ZNF407: variants seen among roughly 807,000 people sequenced by gnomAD.
The protein encoded by ZNF407 is zinc finger protein 407.
Under a neutral mutation model 131.2 loss-of-function variants are expected in ZNF407, and 17 were observed. The ratio of observed to expected loss-of-function variants is 0.13; its 90% CI spans 0.09 to 0.19. ZNF407 has a LOEUF of 0.19. ZNF407 is among the 10% of genes least tolerant of loss of function. ZNF407 has a pLI of 1.00. For synonymous variants in ZNF407, 1,156 were observed against 1,062.0 expected, an observed-to-expected ratio of 1.09 and a Z score of -1.72; for missense variants, 2,681 against 2,830.6, an observed-to-expected ratio of 0.95 and a Z score of 1.20.
chr18:74,792,238 C>G (rs1969839746), intron 4 of ZNF407, among the ~76,000 whole-genome samples: 1 of 151,746 alleles, frequency 6.6e-6, no homozygotes, highest in South Asian at 2.1e-4. Flanking sequence ...TCTAAATAAT[C>G]TTTGCTTCGT....
At chr18:74,680,956 T>C (rs1966969325) in intron 3 of ZNF407, among the ~76,000 whole-genome samples, 1 of 152,208 alleles carries the variant, frequency 6.6e-6, no homozygotes, top group Admixed American at 6.5e-5. Flanking sequence ...TTAAATTCAG[T>C]ACATATTGAC....
At chr18:74,732,502 C>T (rs1372591075) in intron 3 of ZNF407, among the ~76,000 whole-genome samples, 1 of 152,100 alleles carries the variant, frequency 6.6e-6, no homozygotes, top group Non-Finnish European at 1.5e-5. Context: ...AGAGTTCTTC[C>T]TGTCTCACCA....
intron 4 of ZNF407, among the ~76,000 whole-genome samples, chr18:74,802,112 C>T (rs570157050): frequency 1.3e-5 from 2 of 152,220 alleles, no homozygotes; most frequent in South Asian, 2.1e-4. Context: ...TGTAATGTCC[C>T]TCAATGAACA....
intron 8 of ZNF407, among the ~76,000 whole-genome samples, chr18:75,033,874 T>C (rs1973274068): frequency 6.6e-6 from 1 of 152,210 alleles, no homozygotes; most frequent in South Asian, 2.1e-4. Context: ...CCTCTTCCCT[T>C]CTCCTTTCCC....
chr18:74,886,493 C>T (rs576608471), intron 6 of ZNF407, among the ~76,000 whole-genome samples: 1 of 152,242 alleles, frequency 6.6e-6, no homozygotes, highest in African/African-American at 2.4e-5. Flanking sequence ...ATGGAAACAA[C>T]TCAAATGTCC....
intron 3 of ZNF407, among the ~76,000 whole-genome samples, chr18:74,662,412 T>A (rs1252487677): frequency 6.6e-6 from 1 of 152,186 alleles, no homozygotes; most frequent in African/African-American, 2.4e-5. Flanking sequence ...ATAAAATGGA[T>A]GTTGGAGTGC....
chr18:75,022,082 A>G (rs1301909838), intron 8 of ZNF407, among the ~76,000 whole-genome samples: 2 of 152,160 alleles, frequency 1.3e-5, no homozygotes, highest in Non-Finnish European at 2.9e-5. Flanking sequence ...AAATGTCTGG[A>G]AAGGTATTTA....
intron 4 of ZNF407, among the ~76,000 whole-genome samples, chr18:74,850,939 A>T (rs935056362): frequency 4.6e-5 from 7 of 152,200 alleles, no homozygotes; most frequent in African/African-American, 1.7e-4. Flanking sequence ...AAGATTTCTT[A>T]AATGAATGAG....
Position 74,635,563 on chromosome 18 carries a change from A to T in ZNF407, c.4544A>T (p.Glu1515Val), listed in dbSNP as rs774774307. 2.2e-5 allele frequency: 36 copies of T among 1,613,778 alleles called. No homozygotes were observed. The highest frequency in any genetic ancestry group is 2.8e-5 in the Non-Finnish European group (33 of 1,179,858). ...IKGQHEELLR[E>V]VNKYIVEDTE... is the part of the protein sequence containing the mutation. ...GGACAGCATGAGGAATTGCTGCGGG[A>T]GGTGAATAAGTATATAGTGGAAGAC... Residue 1515 changes from glutamate to valine, a missense_variant, in exon 2 of 9, where the codon GAG becomes GTG. This residue lies in a region of ZNF407 where 213 missense variants were observed against 332.2 expected (regional missense o/e 0.64). Coordinates refer to ENST00000299687, the MANE Select transcript of ZNF407 (RefSeq NM_017757.3). The surrounding 1 kb of genome is among the most constrained non-coding windows in gnomAD (Gnocchi z 4.7).
At chr18:74,895,947 G>A (rs1200028511) in intron 7 of ZNF407, among the ~76,000 whole-genome samples, 1 of 152,110 alleles carries the variant, frequency 6.6e-6, no homozygotes, top group African/African-American at 2.4e-5. Context: ...AAGAAGCAGT[G>A]GATAGAACAA....
chr18:74,667,163 C>G (rs1210616224), intron 3 of ZNF407, among the ~76,000 whole-genome samples: 1 of 152,204 alleles, frequency 6.6e-6, no homozygotes, highest in Non-Finnish European at 1.5e-5. Context: ...TCACACCCTT[C>G]TCCACCTGCG....
intron 8 of ZNF407, among the ~76,000 whole-genome samples, chr18:74,931,674 A>T (rs74912557): frequency 0.051 from 7,766 of 152,220 alleles, 304 homozygotes; most frequent in Non-Finnish European, 0.073. Context: ...AAACTGTTGA[A>T]CTATTTTTCA....
intron 7 of ZNF407, among the ~76,000 whole-genome samples, chr18:74,912,976 A>G (rs2554120): frequency 0.81 from 123,284 of 152,196 alleles, 50,561 homozygotes; most frequent in South Asian, 0.87. Context: ...GAGAAATGCA[A>G]GTTACACCTT....
At chr18:74,906,635 C>T (rs986265059) in intron 7 of ZNF407, among the ~76,000 whole-genome samples, 12 of 152,234 alleles carry the variant, frequency 7.9e-5, no homozygotes, top group African/African-American at 2.4e-4. Context: ...TACTAGGCTT[C>T]CTTTGAATAC....
intron 4 of ZNF407, among the ~76,000 whole-genome samples, chr18:74,816,388 T>C (rs1390368434): frequency 6.6e-6 from 1 of 152,250 alleles, no homozygotes; most frequent in African/African-American, 2.4e-5. Context: ...GTTAGCGTCC[T>C]CTGTCAGATT....
At chr18:75,015,063 AT>A in intron 8 of ZNF407, among the ~76,000 whole-genome samples, 1 of 152,112 alleles carries the variant, frequency 6.6e-6, no homozygotes, top group East Asian at 1.9e-4. Flanking sequence ...TAGCCAGCTA[AT>A]TTGGGGAGAC....
intron 3 of ZNF407, among the ~76,000 whole-genome samples, chr18:74,744,965 G>A (rs1316457868): frequency 6.6e-6 from 1 of 151,886 alleles, no homozygotes; most frequent in Non-Finnish European, 1.5e-5. Flanking sequence ...GTCCATCCAT[G>A]GTAAATCTGT....
intron 8 of ZNF407, chr18:75,062,296 G>A (rs1455505383): frequency 6.6e-6 from 1 of 152,208 alleles, no homozygotes; most frequent in Non-Finnish European, 1.5e-5. Flanking sequence ...TTGTCTCTGT[G>A]TCTTGTCACC....
At chr18:74,598,635 G>A (rs1982423988) in intron 1 of ZNF407, 1 of 152,302 alleles carries the variant, frequency 6.6e-6, no homozygotes. Flanking sequence ...GTGGCCGAAA[G>A]CACCGCGGTG....
Sources: allele counts gnomAD v4.1 joint callset (sites outside exome capture counted in the v4.1 genomes callset), GRCh38; gene constraint gnomAD v4.1.1; regional missense constraint gnomAD v4.1.1; non-coding constraint Gnocchi (gnomAD v3.1); transcripts MANE v1.5; gene names NCBI Gene and HGNC (gene_info 2026-07-23, HGNC 2026-07-21).